The following CCDC181 variants were observed in gnomAD, a reference collection of about 807,000 sequenced individuals.
The protein encoded by CCDC181 is coiled-coil domain-containing protein 181.
In CCDC181, 35 loss-of-function variants were observed where a neutral mutation model predicts 58.7. That is an observed-to-expected ratio of 0.60 (90% CI 0.46 to 0.79). The LOEUF is 0.79. CCDC181 is among the 30% of genes least tolerant of loss of function. The probability of loss-of-function intolerance (pLI) is 0.00; values close to 1 mark genes in which losing one functional copy is unlikely to be tolerated. For missense variants in CCDC181, 517 were observed against 583.9 expected (o/e 0.89, Z 1.18); for synonymous variants, 183 against 197.5 (o/e 0.93, Z 0.62).
chr1:169,424,743 T>C, intron 2 of CCDC181, 68 bp downstream of exon 2: 2 of 887,242 alleles, frequency 2.3e-6, no homozygotes, highest in African/African-American at 3.3e-5. Flanking sequence ...GATAATAATG[T>C]GAAAACCTTA....
chr1:169,402,934 T>C (rs1276492817), intron 4 of CCDC181, among the ~76,000 whole-genome samples: 3 of 146,130 alleles, frequency 2.1e-5, no homozygotes, highest in Non-Finnish European at 3.0e-5. Context: ...ACACATAGGC[T>C]CAAAATAAAG....
chr1:169,396,363 G>C (rs1655034838), intron 5 of CCDC181: 1 of 152,230 alleles, frequency 6.6e-6, no homozygotes, highest in Non-Finnish European at 1.5e-5. Flanking sequence ...AGACCAGCCT[G>C]AGCAACATGG....
chr1:169,449,125 C>G (rs565359050), intron 2 of CCDC181, among the ~76,000 whole-genome samples: 11 of 152,282 alleles, frequency 7.2e-5, no homozygotes, highest in Admixed American at 5.9e-4. Flanking sequence ...TTTGATAATT[C>G]CAATGTCTGT....
chr1:169,434,979 G>A (rs746464186), intron 2 of CCDC181, among the ~76,000 whole-genome samples: 3 of 152,058 alleles, frequency 2.0e-5, no homozygotes, highest in Non-Finnish European at 4.4e-5. Context: ...TGGGTACAAG[G>A]TGTCAGTTTT....
chr1:169,456,363 G>A (rs1034418676), intron 2 of CCDC181, among the ~76,000 whole-genome samples: 2 of 152,004 alleles, frequency 1.3e-5, no homozygotes, highest in African/African-American at 4.8e-5. Context: ...CCTCGCATAA[G>A]CCCAATTTAT....
upstream of CCDC181, among the ~76,000 whole-genome samples, chr1:169,428,808 C>A (rs901966706): frequency 6.6e-6 from 1 of 152,070 alleles, no homozygotes; most frequent in Non-Finnish European, 1.5e-5. Flanking sequence ...GGCACGCCAC[C>A]ACACCTGGCT....
chr1:169,460,165 T>G (rs2101766540), intron 1 of CCDC181: 1 of 152,284 alleles, frequency 6.6e-6, no homozygotes, highest in African/African-American at 2.4e-5. Context: ...GATAATAAAC[T>G]ATTTCAGTGG....
chr1:169,399,341 A>C (rs1339976551), intron 4 of CCDC181, among the ~76,000 whole-genome samples: 1 of 152,234 alleles, frequency 6.6e-6, no homozygotes, highest in Admixed American at 6.5e-5. Flanking sequence ...TAGAACCAAC[A>C]TAATTTGCTC....
intron 4 of CCDC181, among the ~76,000 whole-genome samples, chr1:169,412,222 C>T (rs749429797): frequency 5.3e-5 from 8 of 151,870 alleles, no homozygotes; most frequent in African/African-American, 1.4e-4. Context: ...ACAAGCATTA[C>T]GATACAGCAG....
chr1:169,441,845 C>T (rs936342790), intron 2 of CCDC181, among the ~76,000 whole-genome samples: 1 of 151,898 alleles, frequency 6.6e-6, no homozygotes, highest in East Asian at 1.9e-4. Flanking sequence ...TATATGTAAA[C>T]AGTGCCATGT....
upstream of CCDC181, among the ~76,000 whole-genome samples, chr1:169,430,821 C>A (rs985088299): frequency 6.6e-6 from 1 of 152,194 alleles, no homozygotes; most frequent in African/African-American, 2.4e-5. Flanking sequence ...TCCAAATACC[C>A]ACTAGAGGTT....
At position 169,439,451 on chromosome 1, in the gene CCDC181, G is replaced by A. The variant is rs182857873; in HGVS notation, c.-23-14501C>T. ...GGAGAGTTCCCTGACCCCCTCCCTC[G>A]TGGAACTTGTGACAGGGGTGCAGCT... is the stretch of plus-strand genomic sequence containing the variant. On this transcript the variant is annotated intron_variant, in intron 2 of 6. Transcript: ENST00000545005. Among the ~76,000 whole-genome samples the A allele has an allele frequency of 8.5e-5, 13 of 152,254 alleles. No homozygotes were observed. The East Asian group carries it at 1.2e-3, about 14-fold the overall frequency.
chr1:169,399,324 C>G (rs6427186), intron 4 of CCDC181, among the ~76,000 whole-genome samples: 81,214 of 152,010 alleles, frequency 0.53, 22,535 homozygotes, highest in Non-Finnish European at 0.6. Flanking sequence ...TGTATATGCA[C>G]TGAAGATAGA....
chr1:169,420,957 G>A (rs75555148), intron 3 of CCDC181, among the ~76,000 whole-genome samples: 3 of 152,104 alleles, frequency 2.0e-5, no homozygotes, highest in Admixed American at 6.5e-5. Context: ...GCAAATAAAA[G>A]AATTATAGTC....
chr1:169,400,458 C>G (rs751083898), intron 4 of CCDC181, among the ~76,000 whole-genome samples: 1 of 152,014 alleles, frequency 6.6e-6, no homozygotes, highest in Non-Finnish European at 1.5e-5. Context: ...AAAAAAATCA[C>G]TGGATATCTA....
intron 2 of CCDC181, among the ~76,000 whole-genome samples, chr1:169,437,359 G>A (rs540212726): frequency 3.9e-5 from 6 of 152,318 alleles, no homozygotes; most frequent in Admixed American, 3.9e-4. Flanking sequence ...TGTGGCTAAT[G>A]TTAGTCCTAC....
chr1:169,440,764 G>GAAACA (rs1160702841), intron 2 of CCDC181, among the ~76,000 whole-genome samples: 2 of 151,446 alleles, frequency 1.3e-5, no homozygotes, highest in Admixed American at 6.6e-5. Context: ...TAAAAATACA[G>GAAACA]AAACAAAACA....
intron 4 of CCDC181, among the ~76,000 whole-genome samples, chr1:169,417,096 CA>C (rs1243386884): frequency 5.3e-5 from 8 of 152,216 alleles, no homozygotes; most frequent in Admixed American, 5.2e-4. Context: ...CTCTGGTTAC[CA>C]AAATGGGGAA....
At chr1:169,397,033 T>TATATATATAACTCCATATATATA (rs1391065684) in intron 5 of CCDC181, among the ~76,000 whole-genome samples, 27 of 151,026 alleles carry the variant, frequency 1.8e-4, no homozygotes, top group African/African-American at 6.1e-4. Flanking sequence ...GGTATGCATA[T>TATATATATAACTCCATATATATA]ATATATATAA....
Sources: allele counts gnomAD v4.1 joint callset (sites outside exome capture counted in the v4.1 genomes callset), GRCh38; gene constraint gnomAD v4.1.1; transcripts MANE v1.5; gene names NCBI Gene and HGNC (gene_info 2026-07-23, HGNC 2026-07-21).